The following DAB1 variants were observed in gnomAD, a reference collection of about 807,000 sequenced individuals.
DAB1 encodes DAB adaptor protein 1, also known as disabled homolog 1.
In DAB1, 15 loss-of-function variants were observed where a neutral mutation model predicts 64.6. That is an observed-to-expected ratio of 0.23 (90% confidence interval 0.16 to 0.36). DAB1 has a LOEUF of 0.36. Among genes scored for constraint, DAB1 ranks in the 10% least tolerant of loss-of-function variants. The pLI, the probability that DAB1 is intolerant of heterozygous loss-of-function variation, is 1.00. For missense variants in DAB1, 596 were observed against 706.7 expected (o/e 0.84, Z 1.78); for synonymous variants, 235 against 251.9 (o/e 0.93, Z 0.64).
chr1:57,595,457 T>C (rs58130122), intron 7 of DAB1, among the ~76,000 whole-genome samples: 1,983 of 152,212 alleles, frequency 0.013, 56 homozygotes, highest in African/African-American at 0.046. Flanking sequence ...GCAGTAGACG[T>C]AGCCTTGTCC....
At chr1:57,132,374 T>G (rs191754485) in intron 4 of DAB1, among the ~76,000 whole-genome samples, 103 of 152,302 alleles carry the variant, frequency 6.8e-4, no homozygotes, top group African/African-American at 2.0e-3. Flanking sequence ...ACTAATGAAC[T>G]ATGAGCATCT....
At chr1:58,102,250 T>A (rs1177116255) in intron 5 of DAB1, among the ~76,000 whole-genome samples, 2 of 152,184 alleles carry the variant, frequency 1.3e-5, no homozygotes, top group Non-Finnish European at 1.5e-5. Flanking sequence ...GGGTGCACAG[T>A]ATGCATTCCT....
intron 1 of DAB1, among the ~76,000 whole-genome samples, chr1:57,370,489 T>C (rs1204467359): frequency 1.3e-5 from 2 of 152,154 alleles, no homozygotes; most frequent in African/African-American, 4.8e-5. Context: ...AGGTCCAATG[T>C]TTTAGCAGTG....
At chr1:57,169,998 T>C (rs960600916) in intron 2 of DAB1, among the ~76,000 whole-genome samples, 3 of 133,192 alleles carry the variant, frequency 2.3e-5, no homozygotes, top group Non-Finnish European at 4.5e-5. Flanking sequence ...CTTTCTTTCT[T>C]TCTTTTTTTT....
In DAB1 at chr1:57,435,902, C is replaced by CT. The variant is rs36121905; in HGVS notation, n.626-144737dup. ...GCTATACATAAGTGTATGTGCTAGA[C>CT]TTTTTTTTTCTTTCTTTTTTTTTTT... On this transcript the variant is annotated intron_variant and non_coding_transcript_variant, in intron 7 of 20. Coordinates refer to the DAB1 transcript ENST00000485760. Among the ~76,000 whole-genome samples, 5 of 146,614 alleles carry CT rather than the reference C, an allele frequency of 3.4e-5. No homozygotes were observed. In the East Asian group the frequency reaches 5.9e-4, roughly 17 times the overall value.
intron 7 of DAB1, among the ~76,000 whole-genome samples, chr1:57,431,694 TAGAAACAAA>T (rs1196690397): frequency 6.6e-6 from 1 of 152,186 alleles, no homozygotes; most frequent in Non-Finnish European, 1.5e-5. Context: ...AAATGCACAG[TAGAAACAAA>T]AGTGGAGAGC....
In DAB1 at chr1:58,261,028, A is replaced by T. The variant is rs549413186; in HGVS notation, n.309+82324T>A. Reference sequence around the variant, plus strand: ...ATTTATGTGCAATAATTTATCACATAATTGCAATGTATACAGCACTTCATA... The same window carrying T: ...ATTTATGTGCAATAATTTATCACATTATTGCAATGTATACAGCACTTCATA... On this transcript the variant is annotated intron_variant and non_coding_transcript_variant, in intron 4 of 20. Transcript: ENST00000485760. Among the ~76,000 whole-genome samples the T allele has an allele frequency of 2.6e-5, 4 of 152,300 alleles. 1 individual carries two copies. The South Asian group carries it at 8.3e-4, about 32-fold the overall frequency.
intron 2 of DAB1, among the ~76,000 whole-genome samples, chr1:57,242,789 C>T (rs1237128152): frequency 1.3e-5 from 2 of 152,122 alleles, no homozygotes; most frequent in Admixed American, 6.5e-5. Context: ...TTTAAACCTG[C>T]TTTTCATTAT....
At chr1:57,530,121 A>T (rs556819605) in intron 7 of DAB1, among the ~76,000 whole-genome samples, 13 of 152,194 alleles carry the variant, frequency 8.5e-5, no homozygotes, top group African/African-American at 3.1e-4. Context: ...TAATAGGAGG[A>T]CACGTGCAAA....
intron 7 of DAB1, among the ~76,000 whole-genome samples, chr1:57,645,720 AG>A (rs1363913679): frequency 6.6e-6 from 1 of 152,200 alleles, no homozygotes; most frequent in East Asian, 1.9e-4. Context: ...TGAAGCTTAA[AG>A]GGATTGATTT....
chr1:58,045,958 C>A (rs571835957), intron 5 of DAB1, among the ~76,000 whole-genome samples: 10 of 147,764 alleles, frequency 6.8e-5, no homozygotes, highest in African/African-American at 2.5e-4. Flanking sequence ...TTTTTTGGAG[C>A]CTCTGTTATT....
chr1:57,596,530 G>A (rs988593163), intron 7 of DAB1, among the ~76,000 whole-genome samples: 3 of 151,954 alleles, frequency 2.0e-5, no homozygotes, highest in African/African-American at 7.3e-5. Context: ...TGCCTGCCAG[G>A]TGCTTACTGT....
At chr1:57,525,034 C>A (rs1055359775) in intron 7 of DAB1, among the ~76,000 whole-genome samples, 1 of 152,112 alleles carries the variant, frequency 6.6e-6, no homozygotes, top group African/African-American at 2.4e-5. Context: ...CTGCATTCAG[C>A]CAAATGATTA....
chr1:57,042,936 C>T (rs1647982851), intron 9 of DAB1, among the ~76,000 whole-genome samples: 1 of 152,074 alleles, frequency 6.6e-6, no homozygotes, highest in Non-Finnish European at 1.5e-5. Context: ...CACATCTACC[C>T]TGCCATTTGG....
intron 5 of DAB1, among the ~76,000 whole-genome samples, chr1:58,076,610 C>G (rs1649663699): frequency 6.6e-6 from 1 of 152,192 alleles, no homozygotes; most frequent in Non-Finnish European, 1.5e-5. Context: ...CCAAGGTTTC[C>G]TAATTAGTAA....
At chr1:58,337,795 G>T (rs1177131102) in intron 4 of DAB1, among the ~76,000 whole-genome samples, 2 of 152,180 alleles carry the variant, frequency 1.3e-5, no homozygotes, top group Admixed American at 6.5e-5. Context: ...TTAACCCGGA[G>T]AGACAGTGGT....
intron 1 of DAB1, among the ~76,000 whole-genome samples, chr1:57,330,540 G>A (rs140530013): frequency 1.3e-5 from 2 of 152,300 alleles, no homozygotes; most frequent in Non-Finnish European, 2.9e-5. Flanking sequence ...GAAGTGCAAT[G>A]AGACAATGTC....
intron 6 of DAB1, among the ~76,000 whole-genome samples, chr1:57,708,484 C>T (rs1646992495): frequency 6.6e-6 from 1 of 152,218 alleles, no homozygotes; most frequent in East Asian, 1.9e-4. Flanking sequence ...AAGTCCAGTG[C>T]TTCTGAGATC....
chr1:57,391,969 G>T (rs750695846), intron 1 of DAB1, among the ~76,000 whole-genome samples: 2 of 152,034 alleles, frequency 1.3e-5, no homozygotes, highest in African/African-American at 2.4e-5. Context: ...TTTAGATCAG[G>T]CTCCACAATG....
Sources: allele counts gnomAD v4.1 joint callset (sites outside exome capture counted in the v4.1 genomes callset), GRCh38; gene constraint gnomAD v4.1.1; transcripts MANE v1.5; gene names NCBI Gene and HGNC (gene_info 2026-07-23, HGNC 2026-07-21).